Variants in RYR2 observed in about 807,000 individuals in gnomAD.
RYR2 encodes cardiac muscle ryanodine receptor-calcium release channel.
A neutral mutation model predicts 601.1 loss-of-function variants in RYR2; 227 were observed. That is an observed-to-expected ratio of 0.38 (90% CI 0.34 to 0.42). The LOEUF (loss-of-function observed/expected upper bound fraction) is 0.42. Among genes scored for constraint, RYR2 ranks in the 10% least tolerant of loss-of-function variants. The pLI, the probability that RYR2 is intolerant of heterozygous loss-of-function variation, is 1.00. For missense variants in RYR2, 4,646 were observed against 6,156.5 expected (o/e 0.75, Z 8.21); for synonymous variants, 2,223 against 2,175.1 (o/e 1.02, Z -0.61).
At chr1:237,090,014 G>A (rs1666784192) in intron 1 of RYR2, among the ~76,000 whole-genome samples, 1 of 152,192 alleles carries the variant, frequency 6.6e-6, no homozygotes. Context: ...CATGGCAGAA[G>A]GCACCTCTTC....
intron 1 of RYR2, among the ~76,000 whole-genome samples, chr1:237,190,268 C>T (rs1679834266): frequency 6.6e-6 from 1 of 152,142 alleles, no homozygotes; most frequent in Admixed American, 6.6e-5. Flanking sequence ...GCAGCCTTGC[C>T]AACACTTGCT....
At chr1:237,060,338 T>A (rs1303205702) in intron 1 of RYR2, among the ~76,000 whole-genome samples, 1 of 152,214 alleles carries the variant, frequency 6.6e-6, no homozygotes, top group Non-Finnish European at 1.5e-5. Context: ...AACACTAATT[T>A]ATTAGCCTTT....
chr1:237,693,633 A>G (rs1345560747), intron 63 of RYR2, among the ~76,000 whole-genome samples: 4 of 152,248 alleles, frequency 2.6e-5, no homozygotes, highest in African/African-American at 9.6e-5. Context: ...GGAGTATTAA[A>G]CAAGATAAAT....
At chr1:237,733,884 C>A (rs913062938) in intron 79 of RYR2, 128 bp downstream of exon 79, 2 of 696,236 alleles carry the variant, frequency 2.9e-6, no homozygotes, top group Non-Finnish European at 5.0e-6. Context: ...AATCTCCGTT[C>A]TAAATTCCAT....
At chr1:237,561,596 C>T (rs1295739609) in intron 27 of RYR2, among the ~76,000 whole-genome samples, 2 of 152,062 alleles carry the variant, frequency 1.3e-5, no homozygotes, top group African/African-American at 2.4e-5. Flanking sequence ...AGATGGTCCA[C>T]TTAGGATAAA....
intron 1 of RYR2, among the ~76,000 whole-genome samples, chr1:237,226,969 A>T (rs907758661): frequency 7.2e-5 from 11 of 152,110 alleles, no homozygotes; most frequent in Admixed American, 7.2e-4. Flanking sequence ...TGGTTTCACC[A>T]TGTTGGCCAG....
At chr1:237,782,642 T>C (rs1358108258) in intron 89 of RYR2, among the ~76,000 whole-genome samples, 2 of 152,180 alleles carry the variant, frequency 1.3e-5, no homozygotes, top group Non-Finnish European at 2.9e-5. Context: ...ATTCGAATTT[T>C]GGGTTAAATA....
chr1:237,154,531 T>A (rs1377060434), intron 1 of RYR2, among the ~76,000 whole-genome samples: 1 of 152,178 alleles, frequency 6.6e-6, no homozygotes, highest in Non-Finnish European at 1.5e-5. Flanking sequence ...ATGTAGATTT[T>A]CAGGCAGGTG....
At chr1:237,821,105 A>G (rs1662447622) in intron 101 of RYR2, among the ~76,000 whole-genome samples, 1 of 152,188 alleles carries the variant, frequency 6.6e-6, no homozygotes, top group South Asian at 2.1e-4. Flanking sequence ...CAGCTTCAGT[A>G]GACTTAAACG....
intron 100 of RYR2, among the ~76,000 whole-genome samples, chr1:237,810,816 T>A (rs925421845): frequency 2.3e-5 from 3 of 130,442 alleles, no homozygotes; most frequent in Non-Finnish European, 3.5e-5. Flanking sequence ...AATTACATTT[T>A]AATTAAATTA....
At chr1:237,272,374 T>C (rs1689785887) in intron 2 of RYR2, among the ~76,000 whole-genome samples, 1 of 151,276 alleles carries the variant, frequency 6.6e-6, no homozygotes, top group Non-Finnish European at 1.5e-5. Context: ...TAAGAGGCCA[T>C]GTTTCAAGTA....
intron 1 of RYR2, among the ~76,000 whole-genome samples, chr1:237,263,887 A>G (rs1688775031): frequency 6.6e-6 from 1 of 152,174 alleles, no homozygotes; most frequent in Non-Finnish European, 1.5e-5. Flanking sequence ...AAAATTTAAA[A>G]AAAGCAAATA....
Position 237,591,909 on chromosome 1 carries a change from A to G in RYR2, c.4275+56A>G, listed in dbSNP as rs1675246362. 8 of 1,125,756 alleles carry G rather than the reference A, an allele frequency of 7.1e-6. No individual in the cohort carries two copies. The Admixed American group carries it at 1.6e-4, about 22-fold the overall frequency. 69.7% of individuals were successfully genotyped at this position (1,125,756 alleles called of 1,614,324 possible). ...CTATCTGTCACTCATTATGTTTTACATCTCCAGTAATACATACCGATTCAT... is the reference window on the plus strand; with the variant it reads ...CTATCTGTCACTCATTATGTTTTACGTCTCCAGTAATACATACCGATTCAT... On this transcript the variant is annotated intron_variant, in intron 32 of 104. Transcript: ENST00000366574.
chr1:237,524,404 T>C (rs1667376068), intron 24 of RYR2, among the ~76,000 whole-genome samples: 2 of 151,848 alleles, frequency 1.3e-5, no homozygotes, highest in Admixed American at 6.6e-5. Flanking sequence ...GAGGTGAGAG[T>C]GAGAAACGCC....
intron 16 of RYR2, among the ~76,000 whole-genome samples, chr1:237,465,235 T>C (rs1659941079): frequency 6.9e-6 from 1 of 145,134 alleles, no homozygotes; most frequent in South Asian, 2.2e-4. Flanking sequence ...ACAGATTTCC[T>C]GATATATTTT....
At chr1:237,395,533 CTTTTTT>C (rs71180022) in intron 10 of RYR2, among the ~76,000 whole-genome samples, 1 of 87,426 alleles carries the variant, frequency 1.1e-5, no homozygotes, top group Non-Finnish European at 2.1e-5. Context: ...GTAGGACTGT[CTTTTTT>C]TTTTTTTTTT....
At chr1:237,122,498 A>T (rs1670904359) in intron 1 of RYR2, among the ~76,000 whole-genome samples, 1 of 152,140 alleles carries the variant, frequency 6.6e-6, no homozygotes, top group Admixed American at 6.5e-5. Context: ...CCTGGCCAAC[A>T]TGGTGAAACC....
intron 16 of RYR2, among the ~76,000 whole-genome samples, chr1:237,465,114 G>A (rs11485014): frequency 6.9e-6 from 1 of 144,044 alleles, no homozygotes; most frequent in South Asian, 2.2e-4. Flanking sequence ...ACACACACAC[G>A]CATGCATGCA....
intron 100 of RYR2, among the ~76,000 whole-genome samples, chr1:237,813,757 T>C (rs16835868): frequency 0.057 from 8,687 of 152,274 alleles, 796 homozygotes; most frequent in African/African-American, 0.2. Context: ...CCTAGATTTT[T>C]TTCAGTTTGA....
Sources: allele counts gnomAD v4.1 joint callset (sites outside exome capture counted in the v4.1 genomes callset), GRCh38; gene constraint gnomAD v4.1.1; transcripts MANE v1.5; gene names NCBI Gene and HGNC (gene_info 2026-07-23, HGNC 2026-07-21).